CNTN6: variants seen among roughly 807,000 people sequenced by gnomAD.
CNTN6 encodes the protein contactin-6.
In CNTN6, 137 loss-of-function variants were observed where a neutral mutation model predicts 122.8. The observed-to-expected ratio is 1.12, with a 90% confidence interval of 0.97 to 1.29. The LOEUF is 1.29. CNTN6 is among the 50% of genes most tolerant of loss of function. The pLI is 0.00. For missense variants in CNTN6, 1,634 were observed against 1,223.4 expected (o/e 1.34, Z -5.01); for synonymous variants, 570 against 426.0 (o/e 1.34, Z -4.16).
intron 9 of CNTN6, 67 bp from the exon 10 acceptor site, chr3:1,327,390 A>G (rs1220605159): frequency 1.5e-5 from 22 of 1,479,340 alleles, no homozygotes; most frequent in Non-Finnish European, 1.9e-5. Context: ...TTGTTTAATA[A>G]CATATCCTGG....
chr3:1,248,591 G>A (rs1324540902), intron 4 of CNTN6, among the ~76,000 whole-genome samples: 1 of 152,120 alleles, frequency 6.6e-6, no homozygotes, highest in Non-Finnish European at 1.5e-5. Context: ...AGGCCAAGGT[G>A]GGTGGATTGC....
chr3:1,208,766 G>A (rs769640532), intron 2 of CNTN6, among the ~76,000 whole-genome samples: 15 of 150,690 alleles, frequency 1.0e-4, no homozygotes, highest in East Asian at 7.7e-4. Context: ...AATCTGCCTC[G>A]CAGAGTTCTT....
At chr3:1,135,059 T>G (rs887126319) in intron 1 of CNTN6, among the ~76,000 whole-genome samples, 1 of 152,164 alleles carries the variant, frequency 6.6e-6, no homozygotes, top group Admixed American at 6.5e-5. Context: ...TCAGCAGTCA[T>G]GTATTTTGCA....
intron 11 of CNTN6, among the ~76,000 whole-genome samples, chr3:1,350,374 A>G (rs1705439399): frequency 6.6e-6 from 1 of 151,920 alleles, no homozygotes; most frequent in Non-Finnish European, 1.5e-5. Flanking sequence ...GGTTCTGGAA[A>G]AAGCCTGAGT....
intron 1 of CNTN6, among the ~76,000 whole-genome samples, chr3:1,098,253 A>G (rs996445399): frequency 1.1e-4 from 16 of 140,710 alleles, no homozygotes; most frequent in African/African-American, 4.5e-4. Context: ...ATAATAAAAT[A>G]AAAATAAAAA....
rs1560054638 is a variant in CNTN6 at position 1,402,461 on chromosome 3, G to C, written c.2961G>C (p.Glu987Asp). The stretch of plus-strand genomic sequence containing the variant: ...ATGGTGGAGATGGAAGCAGCAGTGA[G>C]GAAATTAGGATTCCAAAAATGTCAA... Reference protein sequence around the residue: ...VSDGGDGSSSEEIRIPKMSSL... With the variant: ...VSDGGDGSSSDEIRIPKMSSL... The change falls in exon 22 of 23, where the codon GAG (glutamate) becomes GAC (aspartate). Residue 987 changes from glutamate (E) to aspartate (D), a missense_variant. Transcript: ENST00000446702. 1 of 1,609,366 alleles carries C rather than the reference G, an allele frequency of 6.2e-7. No homozygotes were observed. The highest frequency in any genetic ancestry group is 2.2e-5 in the East Asian group (1 of 44,778).
chr3:1,318,134 GAAAA>G (rs1166753142), intron 7 of CNTN6, among the ~76,000 whole-genome samples: 6 of 150,788 alleles, frequency 4.0e-5, no homozygotes, highest in African/African-American at 1.2e-4. Context: ...GAGAAAGAAA[GAAAA>G]AGAAAGAAAA....
chr3:1,207,774 T>G (rs533247251), intron 2 of CNTN6, among the ~76,000 whole-genome samples: 3 of 152,224 alleles, frequency 2.0e-5, no homozygotes, highest in East Asian at 3.9e-4. Context: ...ATCCCACAAA[T>G]AAATGATTGT....
intron 1 of CNTN6, among the ~76,000 whole-genome samples, chr3:1,112,695 A>C (rs2091536295): frequency 6.6e-6 from 1 of 152,138 alleles, no homozygotes; most frequent in Non-Finnish European, 1.5e-5. Flanking sequence ...ACGCCCAAAA[A>C]TAATGCTTCA....
chr3:1,318,313 ACT>A (rs1462165639), intron 7 of CNTN6, among the ~76,000 whole-genome samples: 130 of 101,622 alleles, frequency 1.3e-3, no homozygotes, highest in Middle Eastern at 0.01. Context: ...TGGTTCTACT[ACT>A]AATTTTTTTT....
intron 7 of CNTN6, among the ~76,000 whole-genome samples, chr3:1,311,489 G>A (rs538587060): frequency 1.8e-5 from 2 of 113,772 alleles, no homozygotes; most frequent in African/African-American, 7.6e-5. Flanking sequence ...GTCTTTATAT[G>A]TACATATATG....
intron 9 of CNTN6, among the ~76,000 whole-genome samples, chr3:1,326,343 C>G (rs868266266): frequency 6.6e-6 from 1 of 151,692 alleles, no homozygotes; most frequent in Admixed American, 6.6e-5. Context: ...AAGAGAGATA[C>G]AAGTATTATT....
chr3:1,321,721 C>A lies in CNTN6; in HGVS notation c.833C>A (p.Ser278Tyr), dbSNP rs768864425. Residue 278 changes from serine (S) to tyrosine (Y), a missense_variant, in exon 8 of 23, where the codon TCC becomes TAC. Transcript: ENST00000446702. ...PLPGKVKYSK[S>Y]QAILEIPNFQ... ...CCAGGGAAAGTCAAGTACAGCAAAT[C>A]CCAAGCTATCCTTGAAATCCCGAAC... 3.1e-6 allele frequency: 5 copies of A among 1,611,650 alleles called. No homozygotes were observed. Among genetic ancestry groups the A allele is most frequent in the African/African-American group, 2.7e-5 (2 of 74,654 alleles).
At chr3:1,237,884 A>G (rs2094440358) in intron 4 of CNTN6, among the ~76,000 whole-genome samples, 1 of 152,156 alleles carries the variant, frequency 6.6e-6, no homozygotes, top group Admixed American at 6.5e-5. Flanking sequence ...CAACACAAGA[A>G]CAGCTAAAAA....
At chr3:1,224,870 C>T (rs547202391) in intron 3 of CNTN6, among the ~76,000 whole-genome samples, 4 of 152,232 alleles carry the variant, frequency 2.6e-5, no homozygotes, top group South Asian at 2.1e-4. Context: ...CTCAGCCTCC[C>T]GAGTAGCTGG....
intron 20 of CNTN6, among the ~76,000 whole-genome samples, chr3:1,390,939 G>A (rs1354181935): frequency 6.7e-6 from 1 of 149,260 alleles, no homozygotes; most frequent in African/African-American, 2.5e-5. Context: ...AAAAGTCCAG[G>A]ACCAGATGGA....
At chr3:1,101,108 T>C (rs115361226) in intron 1 of CNTN6, among the ~76,000 whole-genome samples, 3 of 152,316 alleles carry the variant, frequency 2.0e-5, no homozygotes, top group African/African-American at 4.8e-5. Flanking sequence ...ATTTTATATG[T>C]GAATTTTTTG....
At chr3:1,152,274 G>C (rs1008192391) in intron 2 of CNTN6, among the ~76,000 whole-genome samples, 1 of 151,860 alleles carries the variant, frequency 6.6e-6, no homozygotes, top group African/African-American at 2.4e-5. Flanking sequence ...GAGTAGCTCA[G>C]ATTACAGGCA....
chr3:1,343,011 G>A (rs752077828), intron 11 of CNTN6, among the ~76,000 whole-genome samples: 4 of 151,986 alleles, frequency 2.6e-5, no homozygotes, highest in Non-Finnish European at 4.4e-5. Context: ...GAGTGAGACC[G>A]GACACCTCCT....
Sources: allele counts gnomAD v4.1 joint callset (sites outside exome capture counted in the v4.1 genomes callset), GRCh38; gene constraint gnomAD v4.1.1; transcripts MANE v1.5; gene names NCBI Gene and HGNC (gene_info 2026-07-23, HGNC 2026-07-21).